Variants in DNAJC13 observed in about 807,000 individuals in gnomAD.
The protein encoded by DNAJC13 is dnaJ homolog subfamily C member 13.
DNAJC13 carries 75 observed loss-of-function variants against 290.5 expected under a neutral mutation model. The ratio of observed to expected loss-of-function variants is 0.26; its 90% confidence interval spans 0.21 to 0.31. The LOEUF (loss-of-function observed/expected upper bound fraction) is 0.31. Among genes scored for constraint, DNAJC13 ranks in the 10% least tolerant of loss-of-function variants. The pLI is 1.00. For missense variants in DNAJC13, 2,260 were observed against 2,674.5 expected, an observed-to-expected ratio of 0.85 and a Z score of 3.42; for synonymous variants, 862 against 892.0, an observed-to-expected ratio of 0.97 and a Z score of 0.60.
chr3:132,500,861 C>T lies in DNAJC13; in HGVS notation c.4484C>T (p.Thr1495Met), dbSNP rs771885709. Reference protein sequence around the residue: ...AQFEECREKITEMPSIIKDLC... With the variant: ...AQFEECREKIMEMPSIIKDLC... ...TTTGAGGAATGCCGAGAGAAGATCA[C>T]GGAAATGCCTAGCATCATCAAGGAT... The change falls in exon 39 of 56, where the codon ACG becomes ATG. Residue 1495 changes from threonine (T) to methionine (M), a missense_variant. Thr to Met is a moderately conservative substitution (Grantham distance 81). Coordinates refer to ENST00000260818, the MANE Select transcript of DNAJC13 (RefSeq NM_015268.4). The T allele has an allele frequency of 6.8e-5, 109 of 1,613,836 alleles. No individual in the cohort carries two copies. The highest frequency in any genetic ancestry group is 1.6e-4 in the East Asian group (7 of 44,886).
intron 29 of DNAJC13, among the ~76,000 whole-genome samples, chr3:132,486,648 A>G (rs1234652798): frequency 6.6e-6 from 1 of 151,810 alleles, no homozygotes; most frequent in Non-Finnish European, 1.5e-5. Context: ...TTTTCTTTTA[A>G]TTTTTTCTAT....
chr3:132,418,418 T>C (rs1938861744), intron 1 of DNAJC13, among the ~76,000 whole-genome samples: 1 of 152,192 alleles, frequency 6.6e-6, no homozygotes, highest in African/African-American at 2.4e-5. Context: ...GTTAATCACT[T>C]GATACTTAAC....
chr3:132,488,568 C>T (rs953121475), intron 30 of DNAJC13, 116 bp downstream of exon 30: 1 of 1,067,728 alleles, frequency 9.4e-7, no homozygotes, highest in African/African-American at 1.6e-5. Flanking sequence ...ATTGTAAAGG[C>T]TATTTAAGTA....
Position 132,488,434 on chromosome 3 carries a change from A to G in DNAJC13, c.3404A>G (p.Asn1135Ser), listed in dbSNP as rs751747947. Reference protein sequence around the residue: ...FFFIMMYTGSNVLPVARFLKY... With the variant: ...FFFIMMYTGSSVLPVARFLKY... ...TTTATCATGATGTACACAGGTTCCA[A>G]TGTGCTTCCTGTTGCTCGGTAAGAA... The change falls in exon 30 of 56, where the codon AAT becomes AGT. Residue 1135 changes from asparagine (N) to serine (S), a missense_variant. Asn to Ser is a conservative substitution (Grantham distance 46). Transcript: ENST00000260818. The G allele has an allele frequency of 4.6e-5, 74 of 1,610,854 alleles. No individual in the cohort carries two copies. Among genetic ancestry groups the G allele is most frequent in the Non-Finnish European group, 6.1e-5 (72 of 1,178,778 alleles).
chr3:132,525,583 T>C lies in DNAJC13; in HGVS notation c.6061-27T>C, dbSNP rs761423331. On this transcript the variant is annotated intron_variant, in intron 51 of 55. Transcript: ENST00000260818. ...TAGGGCTGTATGAGTATTTTATAGT[T>C]GATTTATTTTTGTTTTACACCTGCA... 4.4e-6 allele frequency: 7 copies of C among 1,609,040 alleles called. No homozygotes were observed. The African/African-American group carries it at 9.4e-5, about 22-fold the overall frequency.
At chr3:132,492,719 A>G in intron 33 of DNAJC13, 104 bp downstream of exon 33, 1 of 970,332 alleles carries the variant, frequency 1.0e-6, no homozygotes, top group Non-Finnish European at 1.6e-6. Context: ...TAGCTTTCTT[A>G]AGTATTCCTT....
At chr3:132,436,289 A>G (rs767700115) in intron 2 of DNAJC13, among the ~76,000 whole-genome samples, 6 of 152,282 alleles carry the variant, frequency 3.9e-5, no homozygotes, top group Admixed American at 6.5e-5. Flanking sequence ...GGAACATCTT[A>G]TATAAATAGA....
intron 48 of DNAJC13, among the ~76,000 whole-genome samples, chr3:132,518,616 A>T (rs977647955): frequency 6.6e-6 from 1 of 152,142 alleles, no homozygotes; most frequent in Non-Finnish European, 1.5e-5. Context: ...CTTGGCCTCC[A>T]AAAGTGCTGG....
At chr3:132,458,869 T>A (rs1008662596) in intron 13 of DNAJC13, among the ~76,000 whole-genome samples, 2 of 152,216 alleles carry the variant, frequency 1.3e-5, no homozygotes, top group South Asian at 4.1e-4. Flanking sequence ...ATTACACTTG[T>A]CTTTCTTAGC....
Position 132,507,417 on chromosome 3 carries a change from T to C in DNAJC13, c.5115+64T>C. ...TCATTTGTTACTGAAAGTTACTAGT[T>C]TATTCACACTTTATAGAGGCACACT... On this transcript the variant is annotated intron_variant, in intron 43 of 55. Transcript: ENST00000260818. The C allele has an allele frequency of 4.3e-6, 4 of 938,716 alleles. 1 individual carries two copies. In the South Asian group the frequency reaches 5.6e-5, roughly 13 times the overall value. The allele number at this position is 938,716 out of a possible 1,614,324, so 58.1% of individuals were successfully genotyped here.
intron 2 of DNAJC13, among the ~76,000 whole-genome samples, chr3:132,439,283 G>C (rs1466922376): frequency 1.3e-5 from 2 of 152,148 alleles, no homozygotes; most frequent in South Asian, 2.1e-4. Context: ...ATTGAGAGAA[G>C]TGCTGAGACA....
intron 13 of DNAJC13, chr3:132,458,016 G>A (rs563356129): frequency 6.6e-6 from 1 of 152,212 alleles, no homozygotes; most frequent in Admixed American, 6.5e-5. Context: ...ATGTGATCAG[G>A]TTTGAGTTTT....
At chr3:132,434,158 C>G (rs879382653) in intron 1 of DNAJC13, among the ~76,000 whole-genome samples, 1 of 140,532 alleles carries the variant, frequency 7.1e-6, no homozygotes, top group East Asian at 2.1e-4. Context: ...TGCAGTGAGC[C>G]GAGATCTCGC....
chr3:132,467,612 C>T (rs914198383), intron 20 of DNAJC13, among the ~76,000 whole-genome samples: 43 of 151,890 alleles, frequency 2.8e-4, no homozygotes, highest in African/African-American at 9.9e-4. Flanking sequence ...ACTACAGGCA[C>T]CCGCCACCAC....
rs750297856 is a variant in DNAJC13, at chr3:132,528,259, G to A, written c.6452G>A (p.Ser2151Asn). 1 of 1,614,168 alleles carries A rather than the reference G, an allele frequency of 6.2e-7. No individual in the cohort carries two copies. The highest frequency in any genetic ancestry group is 8.5e-7 in the Non-Finnish European group (1 of 1,180,020). ...GGCATTGGCCTTGAAAACCTGGACA[G>A]CCCAGCAGCCACTAAGGCTCAGATT... ...LEGIGLENLD[S>N]PAATKAQIVK... is the part of the protein sequence containing the mutation. The change falls in exon 54 of 56, where the codon AGC (serine) becomes AAC (asparagine). Residue 2151 changes from serine to asparagine, a missense_variant. Physicochemically the swap from Ser to Asn is conservative, Grantham distance 46. This residue lies in a region of DNAJC13 where 1,494 missense variants were observed against 1,693.7 expected (regional missense o/e 0.88). Transcript: ENST00000260818.
chr3:132,537,858 G>A (rs1354773503), intron 55 of DNAJC13, among the ~76,000 whole-genome samples: 1 of 152,076 alleles, frequency 6.6e-6, no homozygotes, highest in Non-Finnish European at 1.5e-5. Context: ...TTTTCCATTC[G>A]ACATAGTTCT....
At chr3:132,450,087 A>G (rs1195171336) in intron 5 of DNAJC13, among the ~76,000 whole-genome samples, 3 of 152,140 alleles carry the variant, frequency 2.0e-5, no homozygotes, top group East Asian at 1.9e-4. Context: ...AATATGATCA[A>G]ACATCTTGAA....
chr3:132,517,574 G>A (rs938608149), intron 48 of DNAJC13, among the ~76,000 whole-genome samples: 1 of 152,192 alleles, frequency 6.6e-6, no homozygotes, highest in African/African-American at 2.4e-5. Context: ...TGGGGCCCAG[G>A]AGTCTCCATT....
intron 46 of DNAJC13, among the ~76,000 whole-genome samples, chr3:132,515,366 C>T (rs957721153): frequency 2.0e-5 from 3 of 151,998 alleles, no homozygotes; most frequent in Non-Finnish European, 4.4e-5. Flanking sequence ...GGAACCGTGT[C>T]GTTCATCTTA....
Sources: allele counts gnomAD v4.1 joint callset (sites outside exome capture counted in the v4.1 genomes callset), GRCh38; gene constraint gnomAD v4.1.1; regional missense constraint gnomAD v4.1.1; transcripts MANE v1.5; gene names NCBI Gene and HGNC (gene_info 2026-07-23, HGNC 2026-07-21).